KNTC1: variants seen among roughly 807,000 people sequenced by gnomAD.
The protein encoded by KNTC1 is kinetochore-associated protein 1.
Under a neutral mutation model 314.4 loss-of-function variants are expected in KNTC1, and 253 were observed. That is an observed-to-expected ratio of 0.80 (90% confidence interval 0.73 to 0.89). The LOEUF (loss-of-function observed/expected upper bound fraction) is 0.89. Among genes scored for constraint, KNTC1 ranks in the 40% least tolerant of loss-of-function variants. KNTC1 has a pLI of 0.00. For synonymous variants in KNTC1, 901 were observed against 901.4 expected (o/e 1.00, Z 0.01); for missense variants, 2,475 against 2,572.9 (o/e 0.96, Z 0.82).
At chr12:122,572,724 A>G (rs1964778631) in intron 24 of KNTC1, among the ~76,000 whole-genome samples, 1 of 152,040 alleles carries the variant, frequency 6.6e-6, no homozygotes, top group African/African-American at 2.4e-5. Context: ...TAATTTTTCT[A>G]TTTTTTTAAG....
chr12:122,620,808 G>A (rs1336122308), intron 60 of KNTC1, among the ~76,000 whole-genome samples, 200 bp downstream of exon 60: 14 of 152,168 alleles, frequency 9.2e-5, no homozygotes, highest in Admixed American at 9.2e-4. Context: ...GTCTTACAAG[G>A]GGTTTGGGCC....
chr12:122,616,431 T>TG (rs1263237117), intron 57 of KNTC1, among the ~76,000 whole-genome samples: 1 of 152,060 alleles, frequency 6.6e-6, no homozygotes, highest in Non-Finnish European at 1.5e-5. Context: ...CCCTGCTAAT[T>TG]TTTGTATTTT....
At chr12:122,533,125 G>A (rs1252363621) in intron 2 of KNTC1, among the ~76,000 whole-genome samples, 1 of 151,374 alleles carries the variant, frequency 6.6e-6, no homozygotes, top group Non-Finnish European at 1.5e-5. Flanking sequence ...AGTCTAGAGA[G>A]AACAGTGTGG....
intron 20 of KNTC1, among the ~76,000 whole-genome samples, chr12:122,567,573 T>TCAAAAAAATAAAGTAAAATAATATAAA (rs1964428340): frequency 6.6e-6 from 1 of 152,168 alleles, no homozygotes; most frequent in African/African-American, 2.4e-5. Context: ...GCACGGTGGC[T>TCAAAAAAATAAAGTAAAATAATATAAA]CATGCCTGTA....
chr12:122,544,040 ACT>A (rs1339269932), intron 7 of KNTC1, 117 bp from the exon 8 acceptor site: 7 of 482,776 alleles, frequency 1.4e-5, no homozygotes, highest in South Asian at 1.0e-4. Context: ...CAAGAGCAAA[ACT>A]CTGTCTCCAA....
At chr12:122,579,190 A>C (rs1004540113) in intron 31 of KNTC1, among the ~76,000 whole-genome samples, 3 of 146,708 alleles carry the variant, frequency 2.0e-5, no homozygotes, top group Non-Finnish European at 4.5e-5. Context: ...TCAGCCTCCC[A>C]AGTAGCTGGG....
chr12:122,533,895 T>C (rs994499883), intron 2 of KNTC1, among the ~76,000 whole-genome samples: 3 of 150,710 alleles, frequency 2.0e-5, no homozygotes, highest in Non-Finnish European at 4.4e-5. Flanking sequence ...TTACGTGAAT[T>C]CGTTTAATCT....
chr12:122,608,404 AC>A (rs896690242), intron 51 of KNTC1, among the ~76,000 whole-genome samples: 1 of 152,184 alleles, frequency 6.6e-6, no homozygotes, highest in Non-Finnish European at 1.5e-5. Context: ...TGCTGGGATT[AC>A]AGGTGTGAAC....
chr12:122,580,173 A>G (rs1965309983), intron 32 of KNTC1, among the ~76,000 whole-genome samples, 196 bp downstream of exon 32: 1 of 152,204 alleles, frequency 6.6e-6, no homozygotes, highest in Non-Finnish European at 1.5e-5. Context: ...TGCATGCAAA[A>G]TCAACCTATC....
intron 31 of KNTC1, 53 bp downstream of exon 31, chr12:122,577,844 A>G: frequency 1.3e-6 from 2 of 1,496,884 alleles, no homozygotes; most frequent in Non-Finnish European, 1.8e-6. Flanking sequence ...ATGGCTATTA[A>G]TCAATAGGAT....
At position 122,618,413 on chromosome 12, in the gene KNTC1, A is replaced by G; in HGVS notation, c.6085+16A>G. 7 of 1,613,720 alleles carry G rather than the reference A, an allele frequency of 4.3e-6. No individual in the cohort carries two copies. Among genetic ancestry groups the G allele is most frequent in the Non-Finnish European group, 4.2e-6 (5 of 1,179,690 alleles). On this transcript the variant is annotated intron_variant, in intron 58 of 63. Transcript: ENST00000333479. Reference sequence around the variant, plus strand: ...CTGCTTTCAGGTATTTCGCTCTCTGAAACATTGGCTACAGCATTTTATAGT... The same window carrying G: ...CTGCTTTCAGGTATTTCGCTCTCTGGAACATTGGCTACAGCATTTTATAGT...
intron 21 of KNTC1, 118 bp downstream of exon 21, chr12:122,568,490 G>C: frequency 1.4e-6 from 1 of 734,030 alleles, no homozygotes; most frequent in South Asian, 1.6e-5. Flanking sequence ...TTTTTTGATT[G>C]GTTCTTAAAA....
At chr12:122,612,621 T>C (rs1873294142) in intron 53 of KNTC1, among the ~76,000 whole-genome samples, 1 of 151,888 alleles carries the variant, frequency 6.6e-6, no homozygotes, top group African/African-American at 2.4e-5. Flanking sequence ...GGTTTCACCA[T>C]GTTGGTCAGG....
At chr12:122,534,271 G>C (rs1336310425) in intron 2 of KNTC1, among the ~76,000 whole-genome samples, 1 of 152,164 alleles carries the variant, frequency 6.6e-6, no homozygotes, top group Admixed American at 6.5e-5. Context: ...TTTCATGTCT[G>C]TGGGGGCATG....
At position 122,604,557 on chromosome 12, in the gene KNTC1, A is replaced by G. The variant is rs751085741; in HGVS notation, c.5102-7A>G. 1.5e-6 allele frequency: 2 copies of G among 1,353,536 alleles called. No individual in the cohort carries two copies. Among genetic ancestry groups the G allele is most frequent in the East Asian group, 4.6e-5 (2 of 43,144 alleles). The allele number at this position is 1,353,536 out of a possible 1,614,324, so 83.8% of individuals were successfully genotyped here. A position where few individuals can be genotyped will look rare whatever the true frequency, so the allele number is the denominator to read the frequency against. On this transcript the variant is annotated splice_region_variant and splice_polypyrimidine_tract_variant and intron_variant, in intron 48 of 63. Coordinates refer to ENST00000333479, the MANE Select transcript of KNTC1 (RefSeq NM_014708.6). ...TCTTTATTTATTTATTTATTTATTT[A>G]TTTTAGGTTCCTTCAAGATATCTGC...
intron 10 of KNTC1, 111 bp downstream of exon 10, chr12:122,546,785 T>C (rs954529823): frequency 4.9e-6 from 3 of 610,640 alleles, no homozygotes; most frequent in Non-Finnish European, 8.3e-6. Context: ...TCTTGTGTAC[T>C]GTGCTTTTTT....
chr12:122,594,087 T>A, intron 42 of KNTC1, 189 bp from the exon 43 acceptor site: 1 of 548,648 alleles, frequency 1.8e-6, no homozygotes, highest in South Asian at 2.4e-5. Context: ...CTAAGAGGAG[T>A]TTCGGACCCA....
intron 19 of KNTC1, 120 bp downstream of exon 19, chr12:122,562,094 A>G (rs1157122297): frequency 2.3e-5 from 22 of 946,600 alleles, no homozygotes; most frequent in Non-Finnish European, 3.2e-5. Flanking sequence ...TACTTTTCTT[A>G]TCTGCAAAAT....
intron 51 of KNTC1, among the ~76,000 whole-genome samples, chr12:122,606,607 T>G (rs1451277104): frequency 6.6e-6 from 1 of 152,184 alleles, no homozygotes; most frequent in Non-Finnish European, 1.5e-5. Flanking sequence ...ATGAAAGAAA[T>G]GGCCTGTTCT....
Sources: gnomAD v4.1 joint callset for allele counts (sites outside exome capture counted in the v4.1 genomes callset) on GRCh38, gnomAD v4.1.1 for gene constraint, MANE v1.5 for transcripts, NCBI Gene and HGNC (gene_info 2026-07-23, HGNC 2026-07-21) for gene names.